The following PHF21B variants were observed in gnomAD, a reference collection of about 807,000 sequenced individuals.
The protein encoded by PHF21B is PHD finger protein 4.
PHF21B carries 22 observed loss-of-function variants against 62.2 expected under a neutral mutation model. That is an observed-to-expected ratio of 0.35 (90% CI 0.25 to 0.51). The LOEUF (loss-of-function observed/expected upper bound fraction) is 0.51, where lower values mean the gene tolerates loss of function less well. Among genes scored for constraint, PHF21B ranks in the 20% least tolerant of loss-of-function variants. The pLI is 0.97. For missense variants in PHF21B, 701 were observed against 707.9 expected (o/e 0.99, Z 0.11); for synonymous variants, 341 against 314.7 (o/e 1.08, Z -0.88).
intron 2 of PHF21B, among the ~76,000 whole-genome samples, chr22:44,963,047 A>C (rs1001447491): frequency 3.3e-5 from 5 of 152,258 alleles, no homozygotes; most frequent in Non-Finnish European, 7.3e-5. Flanking sequence ...TCTGGAAATG[A>C]GGAAGCTGAG....
chr22:45,000,583 T>C (rs962615703), intron 2 of PHF21B: 2 of 152,200 alleles, frequency 1.3e-5, no homozygotes, highest in Admixed American at 6.5e-5. Context: ...AGTCATTTCA[T>C]TGAAAAAATT....
intron 2 of PHF21B, among the ~76,000 whole-genome samples, chr22:44,957,905 T>A (rs2072333858): frequency 1.2e-4 from 1 of 8,306 alleles, no homozygotes; most frequent in African/African-American, 2.8e-4. Flanking sequence ...CACTGGACAT[T>A]TTTTTTTTTT....
At chr22:44,950,271 T>C (rs1259291834) in intron 2 of PHF21B, among the ~76,000 whole-genome samples, 1 of 152,254 alleles carries the variant, frequency 6.6e-6, no homozygotes, top group Non-Finnish European at 1.5e-5. Context: ...CAACCCTGGG[T>C]TGCGTACCGC....
intron 2 of PHF21B, among the ~76,000 whole-genome samples, chr22:44,984,224 TCACCATCACCACCCTCATTAC>T (rs2072904988): frequency 4.9e-5 from 1 of 20,232 alleles, no homozygotes; most frequent in African/African-American, 1.8e-4. Context: ...ACCACCACCA[TCACCATCACCACCCTCATTAC>T]CACCACCATC....
chr22:44,904,058 G>A (rs1362461109), intron 5 of PHF21B, among the ~76,000 whole-genome samples: 1 of 151,710 alleles, frequency 6.6e-6, no homozygotes, highest in East Asian at 1.9e-4. Flanking sequence ...TTCCTCTGCT[G>A]ATTTAGAAAT....
intron 2 of PHF21B, among the ~76,000 whole-genome samples, chr22:44,998,370 T>C (rs761000879): frequency 3.3e-5 from 5 of 152,184 alleles, no homozygotes; most frequent in Non-Finnish European, 5.9e-5. Context: ...TAAATTTAAT[T>C]GTGAAAACAA....
chr22:44,916,995 G>A (rs1183356717), intron 3 of PHF21B, among the ~76,000 whole-genome samples: 1 of 152,254 alleles, frequency 6.6e-6, no homozygotes, highest in Non-Finnish European at 1.5e-5. Flanking sequence ...GCCCCCTTTG[G>A]CCTTGGAAGT....
intron 2 of PHF21B, among the ~76,000 whole-genome samples, chr22:44,959,122 G>T (rs1218280283): frequency 6.6e-6 from 1 of 152,082 alleles, no homozygotes; most frequent in Non-Finnish European, 1.5e-5. Context: ...CTCAGATCCG[G>T]TTTCTGTTTT....
chr22:44,926,503 C>T (rs2071634990), intron 2 of PHF21B, among the ~76,000 whole-genome samples: 1 of 152,108 alleles, frequency 6.6e-6, no homozygotes, highest in South Asian at 2.1e-4. Flanking sequence ...TGGGCTGGCC[C>T]TCCAGGCAAG....
At chr22:44,896,218 T>G (rs1038424834) in intron 5 of PHF21B, 135 bp from the exon 6 acceptor site, 1 of 874,474 alleles carries the variant, frequency 1.1e-6, no homozygotes, top group African/African-American at 1.6e-5. Context: ...CAACTCCAGA[T>G]GCCAAGTCAG....
rs1384103505 is a variant in PHF21B at position 45,009,343 on chromosome 22, G to A, written c.54+153C>T. On this transcript the variant is annotated intron_variant, in intron 1 of 12. Transcript: ENST00000313237. This position sits in a 1 kb window ranked among gnomAD's most constrained non-coding sequence, Gnocchi z 5.9. ...CGGAGGGGAGCCCAGAAGGGGGTCC[G>A]CGCGTGTGCTCACTCCCTCGCCCCC... is the stretch of plus-strand genomic sequence containing the variant. 1.3e-6 allele frequency: 1 copy of A among 764,954 alleles called. No homozygotes were observed. The highest frequency in any genetic ancestry group is 2.0e-6 in the Non-Finnish European group (1 of 500,114). 47.4% of individuals were successfully genotyped at this position (764,954 alleles called of 1,614,324 possible).
At chr22:44,929,170 G>A (rs781503214) in intron 2 of PHF21B, among the ~76,000 whole-genome samples, 10 of 152,158 alleles carry the variant, frequency 6.6e-5, no homozygotes, top group African/African-American at 1.2e-4. Flanking sequence ...ATCAATAACC[G>A]CTAATAAATA....
At chr22:44,931,543 AGTTT>A (rs1184554062) in intron 2 of PHF21B, among the ~76,000 whole-genome samples, 14 of 150,350 alleles carry the variant, frequency 9.3e-5, no homozygotes, top group African/African-American at 2.5e-4. Flanking sequence ...GTTGCAGAGC[AGTTT>A]GTTTAAGTTG....
chr22:44,941,663 G>A (rs1026921755), intron 2 of PHF21B, among the ~76,000 whole-genome samples: 6 of 152,324 alleles, frequency 3.9e-5, no homozygotes, highest in South Asian at 4.1e-4. Flanking sequence ...GGAGTCCACC[G>A]TCACTTTAAG....
At chr22:44,966,516 G>T (rs1387392116) in intron 2 of PHF21B, among the ~76,000 whole-genome samples, 1 of 152,102 alleles carries the variant, frequency 6.6e-6, no homozygotes. Flanking sequence ...AAGAGACCAA[G>T]CCCCTGTCCC....
chr22:44,973,333 CT>C (rs2072674961), intron 2 of PHF21B, among the ~76,000 whole-genome samples: 1 of 152,200 alleles, frequency 6.6e-6, no homozygotes, highest in South Asian at 2.1e-4. Context: ...GCTCCCACCC[CT>C]GAAACCAGAA....
intron 2 of PHF21B, among the ~76,000 whole-genome samples, chr22:44,978,874 T>A (rs2072786190): frequency 6.6e-6 from 1 of 152,234 alleles, no homozygotes; most frequent in Admixed American, 6.5e-5. Flanking sequence ...AGGTGGCCAC[T>A]GCTGTGTAGA....
intron 2 of PHF21B, among the ~76,000 whole-genome samples, chr22:44,974,138 G>T (rs1383701972): frequency 7.2e-5 from 11 of 152,174 alleles, no homozygotes; most frequent in Non-Finnish European, 5.9e-5. Context: ...ATGCGGCCAG[G>T]TGCGGTGGCT....
intron 10 of PHF21B, among the ~76,000 whole-genome samples, chr22:44,887,628 G>A (rs750986497): frequency 6.6e-5 from 10 of 151,494 alleles, no homozygotes; most frequent in African/African-American, 1.9e-4. Flanking sequence ...GGTGGTGGGC[G>A]CCTATAACCC....
Sources: gnomAD v4.1 joint callset for allele counts (sites outside exome capture counted in the v4.1 genomes callset) on GRCh38, gnomAD v4.1.1 for gene constraint, Gnocchi (gnomAD v3.1) non-coding constraint, MANE v1.5 for transcripts, NCBI Gene and HGNC (gene_info 2026-07-23, HGNC 2026-07-21) for gene names.